Variants in DNAH5 observed in about 807,000 individuals in gnomAD.
DNAH5 encodes axonemal beta dynein heavy chain 5.
A neutral mutation model predicts 518.2 loss-of-function variants in DNAH5; 372 were observed. The ratio of observed to expected loss-of-function variants is 0.72; its 90% CI spans 0.66 to 0.78. The LOEUF (loss-of-function observed/expected upper bound fraction) is 0.78, where lower values mean the gene tolerates loss of function less well. Among genes scored for constraint, DNAH5 ranks in the 30% least tolerant of loss-of-function variants. DNAH5 has a pLI of 0.00. For synonymous variants in DNAH5, 2,039 were observed against 2,025.9 expected (o/e 1.01, Z -0.17); for missense variants, 5,523 against 5,687.0 (o/e 0.97, Z 0.93).
Position 13,936,823 on chromosome 5 carries a change from A to G in DNAH5, c.58-5579T>C, listed in dbSNP as rs1431689623. Among the ~76,000 whole-genome samples the G allele has an allele frequency of 2.6e-5, 4 of 152,188 alleles. No homozygotes were observed. In the East Asian group the frequency reaches 7.7e-4, roughly 29 times the overall value. On this transcript the variant is annotated intron_variant, in intron 1 of 78. Transcript: ENST00000265104. ...GTTGACAGGTTTGTTCCTGACACAG[A>G]TCTACTCCACTGACCCCATTGGCAG...
rs569982045 is a variant in DNAH5 at position 13,800,890 on chromosome 5, TCTCCTCCACTAGAAGGTAAGGAGGGAAG to T, written c.7887+6673_7887+6700del. On this transcript the variant is annotated intron_variant, in intron 47 of 78. Coordinates refer to ENST00000265104, the MANE Select transcript of DNAH5 (RefSeq NM_001369.3). ...TGTTCGCTTATTAGATTATTGCCTG[TCTCCTCCACTAGAAGGTAAGGAGGGAAG>T]GCACCTTGTTTTCCTTACTTTACTC... 7.1e-4 allele frequency among the ~76,000 whole-genome samples: 108 copies of T among 152,312 alleles called. 1 individual carries two copies. The highest frequency in any genetic ancestry group is 6.6e-3 in the East Asian group (34 of 5,190).
At chr5:13,845,088 T>C in intron 31 of DNAH5, 95 bp from the exon 32 acceptor site, 2 of 1,151,738 alleles carry the variant, frequency 1.7e-6, no homozygotes, top group South Asian at 1.4e-5. Context: ...GAGAAGATTG[T>C]GTGACTTGTG....
chr5:13,922,029 A>C, intron 5 of DNAH5, 78 bp downstream of exon 5: 2 of 1,458,826 alleles, frequency 1.4e-6, no homozygotes, highest in South Asian at 2.3e-5. Flanking sequence ...AGACCATCTA[A>C]GAGAAGCATT....
rs1457078753 is a variant in DNAH5, at chr5:13,841,697, C to T, written c.5479G>A (p.Ala1827Thr). Residue 1827 changes from alanine to threonine, a missense_variant, in exon 33 of 79, where the codon GCT (alanine) becomes ACT (threonine). Ala to Thr is a moderately conservative substitution (Grantham distance 58). This residue lies in a region of DNAH5 where 5,121 missense variants were observed against 5,223.3 expected (regional missense o/e 0.98). Transcript: ENST00000265104. ...QLTEFLSSFP[A>T]QVGLLGIQMI... ...TCAAATTTCAATACACTGACCTGAG[C>T]AGGGAAGGATGAAAGAAATTCAGTT... The T allele has an allele frequency of 1.2e-6, 2 of 1,610,006 alleles. No individual in the cohort carries two copies. The highest frequency in any genetic ancestry group is 1.1e-5 in the South Asian group (1 of 91,004).
chr5:13,911,310 T>C, intron 12 of DNAH5, 76 bp downstream of exon 12: 1 of 1,110,896 alleles, frequency 9.0e-7, no homozygotes, highest in Admixed American at 1.7e-5. Context: ...TCTGATTGGG[T>C]AATGATTAAC....
intron 1 of DNAH5, among the ~76,000 whole-genome samples, chr5:14,001,773 C>T (rs1784371575): frequency 6.6e-6 from 1 of 151,846 alleles, no homozygotes; most frequent in Non-Finnish European, 1.5e-5. Context: ...CAATCATACC[C>T]TATACAGACA....
At position 13,943,446 on chromosome 5, in the gene DNAH5, G is replaced by A. The variant is rs1056081200; in HGVS notation, c.57+936C>T. ...ACACCTCCTCCTCAAAGTGTCAGGG[G>A]ACGCTTCTCAGAGGAGGTAACACTA... is the stretch of plus-strand genomic sequence containing the variant. On this transcript the variant is annotated intron_variant, in intron 1 of 78. Transcript: ENST00000265104. Among the ~76,000 whole-genome samples, 6 of 152,360 alleles carry A rather than the reference G, an allele frequency of 3.9e-5. No homozygotes were observed. The East Asian group carries it at 5.8e-4, about 15-fold the overall frequency.
At chr5:13,747,104 G>T in intron 65 of DNAH5, among the ~76,000 whole-genome samples, 1 of 149,162 alleles carries the variant, frequency 6.7e-6, no homozygotes. Flanking sequence ...TGTTCTCATT[G>T]TTCAATTCCC....
intron 68 of DNAH5, among the ~76,000 whole-genome samples, chr5:13,730,501 C>A (rs921663885): frequency 6.6e-6 from 1 of 152,116 alleles, no homozygotes; most frequent in Non-Finnish European, 1.5e-5. Flanking sequence ...GTGGCACGAT[C>A]TCGGTTCACT....
At chr5:13,865,986 C>T (rs576950388) in intron 26 of DNAH5, 80 bp from the exon 27 acceptor site, 1 of 1,111,236 alleles carries the variant, frequency 9.0e-7, no homozygotes, top group South Asian at 1.3e-5. Flanking sequence ...GATTTGCAAA[C>T]AAGCAAGCCA....
At chr5:13,720,415 T>C (rs964652529) in intron 71 of DNAH5, among the ~76,000 whole-genome samples, 2 of 152,212 alleles carry the variant, frequency 1.3e-5, no homozygotes, top group African/African-American at 4.8e-5. Context: ...TTTTGGTTTT[T>C]GAGAAAGTGT....
intron 75 of DNAH5, among the ~76,000 whole-genome samples, chr5:13,711,399 A>G (rs1480139795): frequency 6.6e-6 from 1 of 152,224 alleles, no homozygotes; most frequent in African/African-American, 2.4e-5. Flanking sequence ...TGACAAACCC[A>G]CAACCAACAT....
At chr5:13,914,029 G>T in intron 10 of DNAH5, 71 bp from the exon 11 acceptor site, 1 of 1,543,882 alleles carries the variant, frequency 6.5e-7, no homozygotes, top group South Asian at 1.2e-5. Flanking sequence ...TTAAGTGAAG[G>T]CGACAGCAAA....
intron 61 of DNAH5, 44 bp downstream of exon 61, chr5:13,758,802 C>T (rs576962598): frequency 5.6e-5 from 90 of 1,613,664 alleles, no homozygotes; most frequent in East Asian, 1.1e-4. Flanking sequence ...AGAGAGAAGC[C>T]GTGTAGATAT....
intron 20 of DNAH5, 37 bp downstream of exon 20, chr5:13,882,867 G>A (rs374235371): frequency 2.0e-5 from 33 of 1,613,826 alleles, no homozygotes; most frequent in Non-Finnish European, 2.7e-5. Context: ...AAAAGAAGTG[G>A]TTTCCATATG....
chr5:13,876,805 A>G lies in DNAH5; in HGVS notation c.3275T>C (p.Ile1092Thr). 1 of 1,613,714 alleles carries G rather than the reference A, an allele frequency of 6.2e-7. No individual in the cohort carries two copies. Among genetic ancestry groups the G allele is most frequent in the Non-Finnish European group, 8.5e-7 (1 of 1,179,752 alleles). ...GGGAATGGGTAAATTTACAGATGCT[A>G]TCTCCAAGGTATCTAAAAAGAAAAA... is the stretch of plus-strand genomic sequence containing the variant. ...GENELQDTLEIASVNLPIPVQ... is the reference protein window; with the variant it reads ...GENELQDTLETASVNLPIPVQ... Residue 1092 changes from isoleucine to threonine, a missense_variant, in exon 22 of 79, where the codon ATA (isoleucine) becomes ACA (threonine). Coordinates refer to ENST00000265104, the MANE Select transcript of DNAH5 (RefSeq NM_001369.3).
At position 13,729,483 on chromosome 5, in the gene DNAH5, C is replaced by G. The variant is rs886128296; in HGVS notation, c.11839G>C (p.Val3947Leu). The G allele has an allele frequency of 1.2e-6, 2 of 1,614,018 alleles. No individual in the cohort carries two copies. The highest frequency in any genetic ancestry group is 1.1e-5 in the South Asian group (1 of 91,076). The change falls in exon 69 of 79, where the codon GTG (valine) becomes CTG (leucine). Residue 3947 changes from valine to leucine, a missense_variant. By Grantham distance (32) the Val-to-Leu change is conservative. Coordinates refer to ENST00000265104, the MANE Select transcript of DNAH5 (RefSeq NM_001369.3). ...WILDITWLNL[V>L]ELSKLRQFSD... ...AACTGTCTGAGTTTGCTAAGTTCCACCAAATTCAGCCATGTTATGTCCAGG... is the reference window on the plus strand; with the variant it reads ...AACTGTCTGAGTTTGCTAAGTTCCAGCAAATTCAGCCATGTTATGTCCAGG...
At chr5:13,823,137 T>A (rs574976372) in intron 40 of DNAH5, 126 bp downstream of exon 40, 2 of 779,524 alleles carry the variant, frequency 2.6e-6, no homozygotes, top group Non-Finnish European at 4.7e-6. Context: ...GACAGCAGTG[T>A]TAGCCTCACT....
At chr5:13,725,806 A>ACCATGC (rs1745648728) in intron 70 of DNAH5, among the ~76,000 whole-genome samples, 1 of 152,014 alleles carries the variant, frequency 6.6e-6, no homozygotes, top group Admixed American at 6.5e-5. Context: ...AGGTGCCACC[A>ACCATGC]CCATGCCTGG....
Sources: allele counts gnomAD v4.1 joint callset (sites outside exome capture counted in the v4.1 genomes callset), GRCh38; gene constraint gnomAD v4.1.1; regional missense constraint gnomAD v4.1.1; transcripts MANE v1.5; gene names NCBI Gene and HGNC (gene_info 2026-07-23, HGNC 2026-07-21).